Variants in STARD13 observed in about 807,000 individuals in gnomAD.
The protein encoded by STARD13 is StAR related lipid transfer domain containing 13, also known as stAR-related lipid transfer protein 13.
Under a neutral mutation model 106.4 loss-of-function variants are expected in STARD13, and 62 were observed. The observed-to-expected ratio is 0.58, with a 90% CI of 0.48 to 0.72. STARD13 has a LOEUF of 0.72. Ranked by LOEUF, STARD13 falls within the 30% of genes least tolerant of loss-of-function variation. The pLI is 0.00. For missense variants in STARD13, 1,387 were observed against 1,424.0 expected (o/e 0.97, Z 0.42); for synonymous variants, 565 against 553.0 (o/e 1.02, Z -0.31).
Position 33,129,339 on chromosome 13 carries a change from G to C in STARD13, c.1338C>G (p.Leu446=). The C allele has an allele frequency of 6.2e-7, 1 of 1,614,162 alleles. No individual in the cohort carries two copies. The highest frequency in any genetic ancestry group is 8.5e-7 in the Non-Finnish European group (1 of 1,180,038). ...GGCTGGCTCTGTGGCAGGACGCCAT[G>C]AGCCGGGGCTCCCTGGCACCAGGGA... ...EQVPGAREPR[L]MASCHRASRV... Residue 446 remains leucine (L), a synonymous_variant, in exon 5 of 14, where the codon CTC becomes CTG. Coordinates refer to ENST00000336934, the MANE Select transcript of STARD13 (RefSeq NM_178006.4).
the STARD13 span, among the ~76,000 whole-genome samples, chr13:33,499,386 C>T: frequency 6.6e-6 from 1 of 152,130 alleles, no homozygotes; most frequent in Non-Finnish European, 1.5e-5. Flanking sequence ...ATCAAGGTGC[C>T]AATGTGGTTG....
Position 33,127,543 on chromosome 13 carries a change from T to C in STARD13, c.1752A>G (p.Arg584=). ...ACAGCTGGAAACTGTTCCATCGGAG[T>C]CGCCTTTACCAGAGAGACCATCAGA... ...VGASLTRPNR[R]LRWNSFQLSH... is the part of the protein sequence containing the mutation. The change falls in exon 6 of 14, where the codon CGA becomes CGG. Residue 584 remains arginine (R), a synonymous_variant. Coordinates refer to ENST00000336934, the MANE Select transcript of STARD13 (RefSeq NM_178006.4). The C allele has an allele frequency of 6.5e-7, 1 of 1,539,902 alleles. No individual in the cohort carries two copies. Among genetic ancestry groups the C allele is most frequent in the Non-Finnish European group, 8.7e-7 (1 of 1,150,712 alleles).
At chr13:33,505,890 G>T in the STARD13 span, among the ~76,000 whole-genome samples, 1 of 152,114 alleles carries the variant, frequency 6.6e-6, no homozygotes, top group Admixed American at 6.6e-5. Flanking sequence ...GACCCTTCCT[G>T]GGGGTTTGCA....
chr13:33,355,296 C>T (rs1289553459), upstream of STARD13: 1 of 152,206 alleles, frequency 6.6e-6, no homozygotes, highest in African/African-American at 2.4e-5. Context: ...ATCCCTTCCA[C>T]TTCCCTCCCA....
chr13:33,285,899 C>T (rs1892039792), upstream of STARD13: 1 of 564,442 alleles, frequency 1.8e-6, no homozygotes. Context: ...CAGTTCCAGC[C>T]GCCAGGGTCC....
chr13:33,460,286 G>A, the STARD13 span, among the ~76,000 whole-genome samples: 273 of 151,694 alleles, frequency 1.8e-3, no homozygotes, highest in Middle Eastern at 6.8e-3. Flanking sequence ...AGGAGATGGA[G>A]ACCATCCTGG....
At chr13:33,296,376 G>A (rs893055426) in intron 1 of STARD13, among the ~76,000 whole-genome samples, 2 of 152,092 alleles carry the variant, frequency 1.3e-5, no homozygotes, top group East Asian at 3.9e-4. Context: ...ATCTTTATCA[G>A]TCAATTAAAT....
At chr13:33,276,412 G>A (rs1007218180) in intron 1 of STARD13, among the ~76,000 whole-genome samples, 6 of 152,144 alleles carry the variant, frequency 3.9e-5, no homozygotes, top group Non-Finnish European at 8.8e-5. Context: ...TAAGAACTCC[G>A]TCTATTTGAG....
chr13:33,253,719 C>T (rs1890199850), intron 1 of STARD13, among the ~76,000 whole-genome samples: 1 of 151,928 alleles, frequency 6.6e-6, no homozygotes, highest in Non-Finnish European at 1.5e-5. Flanking sequence ...CAATGTATGG[C>T]GTTGATTCTA....
the STARD13 span, among the ~76,000 whole-genome samples, chr13:33,650,199 T>TTTTTTTTTTTTTTTTTTTC: frequency 9.2e-6 from 1 of 108,136 alleles, no homozygotes; most frequent in Non-Finnish European, 1.8e-5. Context: ...TTTTTTTTTT[T>TTTTTTTTTTTTTTTTTTTC]TTTTTTTTTG....
chr13:33,463,546 C>T, the STARD13 span, among the ~76,000 whole-genome samples: 1 of 152,156 alleles, frequency 6.6e-6, no homozygotes, highest in Non-Finnish European at 1.5e-5. Context: ...TGTCCAAGAC[C>T]TGCCTCCAGA....
rs768240114 is a variant in STARD13, at chr13:33,129,642, C to T, written c.1035G>A (p.Thr345=). The T allele has an allele frequency of 1.9e-5, 30 of 1,613,810 alleles. No individual in the cohort carries two copies. Among genetic ancestry groups the T allele is most frequent in the Middle Eastern group, 1.6e-4 (1 of 6,084 alleles). Residue 345 remains threonine (T), a synonymous_variant, in exon 5 of 14, where the codon ACG becomes ACA. Transcript: ENST00000336934. ...PSEHSSSGVS[T]PCLKERKCHE... ...GGCACTTGCGTTCCTTCAGGCAGGG[C>T]GTGCTCACCCCGCTGCTGCTGTGCT...
At chr13:33,613,965 A>G in the STARD13 span, among the ~76,000 whole-genome samples, 1 of 152,320 alleles carries the variant, frequency 6.6e-6, no homozygotes, top group Admixed American at 6.5e-5. Flanking sequence ...AACACACCTC[A>G]GCTGTTTTAG....
intron 1 of STARD13, among the ~76,000 whole-genome samples, chr13:33,188,607 A>G (rs1233519026): frequency 6.6e-6 from 1 of 152,226 alleles, no homozygotes; most frequent in Non-Finnish European, 1.5e-5. Context: ...TACTCACCAC[A>G]CTAAGATAGT....
intron 8 of STARD13, among the ~76,000 whole-genome samples, chr13:33,117,325 G>A (rs942959050): frequency 2.0e-5 from 3 of 152,088 alleles, no homozygotes; most frequent in East Asian, 1.9e-4. Flanking sequence ...TGGCCAGGCT[G>A]GTCTTGAACT....
the STARD13 span, among the ~76,000 whole-genome samples, chr13:33,568,188 A>G: frequency 1.4e-5 from 2 of 148,126 alleles, 1 homozygote; most frequent in South Asian, 4.3e-4. Context: ...ATCACCATGT[A>G]TATTTCTACA....
At chr13:33,238,144 T>C (rs923179955) in intron 1 of STARD13, among the ~76,000 whole-genome samples, 13 of 152,206 alleles carry the variant, frequency 8.5e-5, no homozygotes, top group African/African-American at 3.1e-4. Flanking sequence ...TTTCTTTTAC[T>C]TACTCATCCA....
At chr13:33,664,368 G>C in the STARD13 span, among the ~76,000 whole-genome samples, 2 of 151,984 alleles carry the variant, frequency 1.3e-5, no homozygotes, top group Admixed American at 6.5e-5. Flanking sequence ...AGAATACATC[G>C]GCAGCAGGGG....
the STARD13 span, among the ~76,000 whole-genome samples, chr13:33,434,370 AAAAG>A: frequency 6.6e-6 from 1 of 151,164 alleles, no homozygotes; most frequent in Non-Finnish European, 1.5e-5. Context: ...AAAAAAAAAA[AAAAG>A]AAAGAAAGAA....
Sources: allele counts gnomAD v4.1 joint callset (sites outside exome capture counted in the v4.1 genomes callset), GRCh38; gene constraint gnomAD v4.1.1; transcripts MANE v1.5; gene names NCBI Gene and HGNC (gene_info 2026-07-23, HGNC 2026-07-21).